The following SCUBE2 variants were observed in gnomAD, a reference collection of about 807,000 sequenced individuals.
SCUBE2 encodes signal peptide, CUB and EGF-like domain-containing protein 2.
Under a neutral mutation model 125.9 loss-of-function variants are expected in SCUBE2, and 114 were observed. The observed-to-expected ratio is 0.91, with a 90% CI of 0.78 to 1.06. The LOEUF is 1.06. Ranked by LOEUF, SCUBE2 falls within the 50% of genes least tolerant of loss-of-function variation. The pLI, the probability that SCUBE2 is intolerant of heterozygous loss-of-function variation, is 0.00. For missense variants in SCUBE2, 1,255 were observed against 1,301.8 expected (o/e 0.96, Z 0.55); for synonymous variants, 459 against 492.9 (o/e 0.93, Z 0.91).
intron 4 of SCUBE2, among the ~76,000 whole-genome samples, chr11:9,071,799 C>T (rs1860821806): frequency 6.6e-6 from 1 of 152,202 alleles, no homozygotes; most frequent in African/African-American, 2.4e-5. Context: ...CTTTGCCACC[C>T]TGACACCTTC....
intron 2 of SCUBE2, among the ~76,000 whole-genome samples, chr11:9,081,801 G>C (rs949667805): frequency 6.6e-6 from 1 of 152,192 alleles, no homozygotes; most frequent in South Asian, 2.1e-4. Context: ...ATGGGCATAC[G>C]AATATCTCCT....
At chr11:9,030,347 A>AG in intron 18 of SCUBE2, 1 of 460,294 alleles carries the variant, frequency 2.2e-6, no homozygotes, top group Non-Finnish European at 3.9e-6. Context: ...CTGTGAGTAT[A>AG]GGGGGCAGGC....
At chr11:9,022,388 C>T (rs1344852455) in intron 21 of SCUBE2, among the ~76,000 whole-genome samples, 4 of 152,218 alleles carry the variant, frequency 2.6e-5, no homozygotes, top group African/African-American at 9.7e-5. Context: ...CCTCATTTCT[C>T]CCTCCAGCTT....
intron 7 of SCUBE2, 138 bp from the exon 8 acceptor site, chr11:9,060,662 G>A (rs1482587572): frequency 3.0e-6 from 2 of 668,538 alleles, no homozygotes. Flanking sequence ...ATGGGCTAGA[G>A]GGAGAGCAGG....
chr11:9,043,126 G>A (rs553849728), intron 16 of SCUBE2, among the ~76,000 whole-genome samples: 1 of 152,214 alleles, frequency 6.6e-6, no homozygotes, highest in Non-Finnish European at 1.5e-5. Context: ...TGTTACAAAA[G>A]GAATTAAATG....
At chr11:9,051,457 T>C (rs1201531336) in intron 13 of SCUBE2, among the ~76,000 whole-genome samples, 4 of 152,136 alleles carry the variant, frequency 2.6e-5, no homozygotes, top group Admixed American at 2.6e-4. Context: ...GAGGGAGCTG[T>C]TGTTCCAGAC....
At chr11:9,078,404 A>AT (rs1341257603) in intron 3 of SCUBE2, among the ~76,000 whole-genome samples, 2 of 152,230 alleles carry the variant, frequency 1.3e-5, no homozygotes, top group Non-Finnish European at 2.9e-5. Flanking sequence ...GATAAAGGTC[A>AT]TATGAGGGTT....
intron 4 of SCUBE2, among the ~76,000 whole-genome samples, chr11:9,072,636 C>T (rs967409076): frequency 1.3e-5 from 2 of 152,176 alleles, no homozygotes; most frequent in Admixed American, 6.5e-5. Context: ...AAAGGTTCTC[C>T]GTTACCAATT....
Position 9,022,381 on chromosome 11 carries a change from C to A in SCUBE2, c.2855-426G>T, listed in dbSNP as rs147646640. Among the ~76,000 whole-genome samples, 10 of 152,316 alleles carry A rather than the reference C, an allele frequency of 6.6e-5. No individual in the cohort carries two copies. The East Asian group carries it at 1.9e-3, about 29-fold the overall frequency. On this transcript the variant is annotated intron_variant, in intron 21 of 22. Transcript: ENST00000649792. ...ACTTTAAAAATCCCTCCCTTGACCT[C>A]ATTTCTCCCTCCAGCTTCCATCTCA...
At chr11:9,085,893 C>T (rs898194769) in intron 2 of SCUBE2, among the ~76,000 whole-genome samples, 9 of 149,848 alleles carry the variant, frequency 6.0e-5, no homozygotes, top group South Asian at 2.1e-4. Flanking sequence ...AGTGCAGTGG[C>T]GCAATCACAG....
intron 11 of SCUBE2, 140 bp from the exon 12 acceptor site, chr11:9,053,355 TATTCCCACCAAGGGA>T: frequency 2.6e-6 from 2 of 772,792 alleles, no homozygotes; most frequent in Non-Finnish European, 4.2e-6. Flanking sequence ...TGCTAGGCCT[TATTCCCACCAAGGGA>T]AAGGAGCCCC....
At chr11:9,074,085 C>T (rs1171731628) in intron 4 of SCUBE2, among the ~76,000 whole-genome samples, 1 of 152,158 alleles carries the variant, frequency 6.6e-6, no homozygotes, top group Non-Finnish European at 1.5e-5. Context: ...AAGGATCCAG[C>T]CTCCTCCCTA....
chr11:9,033,526 C>A (rs1417478151), intron 17 of SCUBE2, 100 bp downstream of exon 17: 1 of 1,391,680 alleles, frequency 7.2e-7, no homozygotes, highest in Non-Finnish European at 9.8e-7. Context: ...TGTAGGAAGC[C>A]CCGGGTGAGT....
intron 16 of SCUBE2, among the ~76,000 whole-genome samples, chr11:9,044,945 C>T (rs1411609717): frequency 1.3e-5 from 2 of 152,212 alleles, no homozygotes; most frequent in African/African-American, 4.8e-5. Context: ...TCATCCCTCA[C>T]CCCTCACCTT....
chr11:9,022,183 C>T (rs1223058605), intron 21 of SCUBE2, among the ~76,000 whole-genome samples: 2 of 152,172 alleles, frequency 1.3e-5, no homozygotes, highest in East Asian at 1.9e-4. Flanking sequence ...TTCCCTCAGA[C>T]GAGCCTCTGT....
At chr11:9,069,180 C>A (rs549364892) in intron 5 of SCUBE2, among the ~76,000 whole-genome samples, 190 bp downstream of exon 5, 2 of 152,206 alleles carry the variant, frequency 1.3e-5, no homozygotes, top group African/African-American at 2.4e-5. Context: ...TTTAAAATAT[C>A]ATTTCCCTTC....
intron 7 of SCUBE2, among the ~76,000 whole-genome samples, chr11:9,062,300 G>A (rs1024252449): frequency 1.3e-5 from 2 of 152,222 alleles, no homozygotes; most frequent in Admixed American, 1.3e-4. Flanking sequence ...CAGGATGCTA[G>A]CAGCCAAGCC....
chr11:9,066,729 T>C lies in SCUBE2; in HGVS notation c.728A>G (p.Tyr243Cys). The C allele has an allele frequency of 1.2e-6, 2 of 1,614,152 alleles. No individual in the cohort carries two copies. Among genetic ancestry groups the C allele is most frequent in the South Asian group, 2.2e-5 (2 of 91,074 alleles). Residue 243 changes from tyrosine to cysteine, a missense_variant, in exon 6 of 23, where the codon TAC (tyrosine) becomes TGC (cysteine). Coordinates refer to ENST00000649792, the MANE Select transcript of SCUBE2 (RefSeq NM_001367977.2). Reference protein sequence around the residue: ...DGPECSCHPQYKMHTDGRSCL... With the variant: ...DGPECSCHPQCKMHTDGRSCL... Reference sequence around the variant, plus strand: ...GCTCCTCCCATCTGTGTGCATCTTGTACTGTGGATGGCAGCTGCACTCTGG... The same window carrying C: ...GCTCCTCCCATCTGTGTGCATCTTGCACTGTGGATGGCAGCTGCACTCTGG...
At chr11:9,037,120 C>T (rs547228897) in intron 16 of SCUBE2, among the ~76,000 whole-genome samples, 4 of 152,304 alleles carry the variant, frequency 2.6e-5, no homozygotes, top group African/African-American at 9.6e-5. Flanking sequence ...GCCTGAAAAC[C>T]GCTCTTTGCA....
Sources: allele counts gnomAD v4.1 joint callset (sites outside exome capture counted in the v4.1 genomes callset), GRCh38; gene constraint gnomAD v4.1.1; transcripts MANE v1.5; gene names NCBI Gene and HGNC (gene_info 2026-07-23, HGNC 2026-07-21).